GFOD1: variants seen among roughly 807,000 people sequenced by gnomAD.
GFOD1 encodes glucose-fructose oxidoreductase domain-containing protein 1.
In GFOD1, 9 loss-of-function variants were observed where a neutral mutation model predicts 25.4. The ratio of observed to expected loss-of-function variants is 0.35; its 90% confidence interval spans 0.21 to 0.62. GFOD1 has a LOEUF of 0.62. Ranked by LOEUF, GFOD1 falls within the 20% of genes least tolerant of loss-of-function variation. GFOD1 has a pLI of 0.72. For synonymous variants in GFOD1, 253 were observed against 245.6 expected, an observed-to-expected ratio of 1.03 and a Z score of -0.28; for missense variants, 403 against 556.9, an observed-to-expected ratio of 0.72 and a Z score of 2.78.
intron 1 of GFOD1, among the ~76,000 whole-genome samples, chr6:13,453,232 G>C (rs1371457364): frequency 6.6e-6 from 1 of 152,166 alleles, no homozygotes; most frequent in Non-Finnish European, 1.5e-5. Flanking sequence ...CTTCCAGGTC[G>C]ATCCAGGTGC....
At chr6:13,451,764 G>T (rs916027251) in intron 1 of GFOD1, among the ~76,000 whole-genome samples, 1 of 152,220 alleles carries the variant, frequency 6.6e-6, no homozygotes, top group Admixed American at 6.5e-5. Context: ...TGGACACCAG[G>T]TTAAGGTCGG....
At chr6:13,470,384 G>A in intron 1 of GFOD1, 3 of 1,549,710 alleles carry the variant, frequency 1.9e-6, no homozygotes, top group East Asian at 2.4e-5. Flanking sequence ...TGGGCCTCCA[G>A]GGAAAGCCAG....
intron 1 of GFOD1, among the ~76,000 whole-genome samples, chr6:13,461,904 G>A (rs1369342951): frequency 6.6e-6 from 1 of 152,208 alleles, no homozygotes; most frequent in Admixed American, 6.5e-5. Flanking sequence ...ACCAAGCATG[G>A]TGCAATGAGT....
Position 13,430,519 on chromosome 6 carries a change from G to A in GFOD1, c.253+56119C>T, listed in dbSNP as rs1032713927. On this transcript the variant is annotated intron_variant, in intron 1 of 1. Coordinates refer to ENST00000379287, the MANE Select transcript of GFOD1 (RefSeq NM_018988.4). The surrounding 1 kb of genome is among the most constrained non-coding windows in gnomAD (Gnocchi z 4.1). ...TGTGAAGGAACCCGAGCCACATAGG[G>A]TATGGCATCAAGCATAAACAGAGTG... 3.3e-5 allele frequency among the ~76,000 whole-genome samples: 5 copies of A among 152,064 alleles called. No homozygotes were observed. Among genetic ancestry groups the A allele is most frequent in the Non-Finnish European group, 7.4e-5 (5 of 68,022 alleles).
At chr6:13,404,492 G>C (rs1162203538) in intron 1 of GFOD1, among the ~76,000 whole-genome samples, 1 of 152,190 alleles carries the variant, frequency 6.6e-6, no homozygotes, top group Non-Finnish European at 1.5e-5. Flanking sequence ...CAGTTCTGCT[G>C]CTTTTTTGCT....
At position 13,486,921 on chromosome 6, in the gene GFOD1, G is replaced by C. The variant is rs1758885752; in HGVS notation, c.-31C>G. The C allele has an allele frequency of 1.3e-6, 2 of 1,597,024 alleles. No homozygotes were observed. The highest frequency in any genetic ancestry group is 1.7e-6 in the Non-Finnish European group (2 of 1,176,592). ...CTCAGAGCCGCCTGGTTCTGCTTCTGCTCGGATCTCCAGTCCAACGCGCGC... is the reference window on the plus strand; with the variant it reads ...CTCAGAGCCGCCTGGTTCTGCTTCTCCTCGGATCTCCAGTCCAACGCGCGC... On this transcript the variant is annotated 5_prime_UTR_variant, in exon 1 of 2. Coordinates refer to ENST00000379287, the MANE Select transcript of GFOD1 (RefSeq NM_018988.4).
At chr6:13,431,859 A>T (rs1491000066) in intron 1 of GFOD1, among the ~76,000 whole-genome samples, 2 of 152,250 alleles carry the variant, frequency 1.3e-5, no homozygotes, top group African/African-American at 4.8e-5. Context: ...CCTGCCTTCA[A>T]AATCCAAAGC....
Position 13,423,682 on chromosome 6 carries a change from G to C in GFOD1, c.254-58020C>G, listed in dbSNP as rs754084065. On this transcript the variant is annotated intron_variant, in intron 1 of 1. Transcript: ENST00000379287. ...ATTCAGTGAGTCGGTAGCAGAACCG[G>C]GGGTGGGCCCACTTTGATATGGAAG... Among the ~76,000 whole-genome samples, 95 of 152,120 alleles carry C rather than the reference G, an allele frequency of 6.2e-4. 1 individual carries two copies. The highest frequency in any genetic ancestry group is 1.8e-4 in the Non-Finnish European group (12 of 68,024).
At position 13,394,498 on chromosome 6, in the gene GFOD1, G is replaced by A. The variant is rs571376964; in HGVS notation, c.254-28836C>T. ...TTTTTTTTTTTTTTTTTTTTGAGAC[G>A]AGGTCTTGCTCTTTTGCCCAGGCTG... On this transcript the variant is annotated intron_variant, in intron 1 of 1. Transcript: ENST00000379287. 1.1e-4 allele frequency among the ~76,000 whole-genome samples: 8 copies of A among 73,448 alleles called. No individual in the cohort carries two copies. The East Asian group carries it at 1.7e-3, about 16-fold the overall frequency. 48.2% of individuals were successfully genotyped at this position (73,448 alleles called of 152,430 possible).
At chr6:13,414,453 G>A (rs1786130859) in intron 1 of GFOD1, among the ~76,000 whole-genome samples, 1 of 152,234 alleles carries the variant, frequency 6.6e-6, no homozygotes. Context: ...TTTGTCTTAG[G>A]TTGGTAGCCC....
intron 1 of GFOD1, among the ~76,000 whole-genome samples, chr6:13,384,237 T>A (rs1032500353): frequency 6.6e-6 from 1 of 152,176 alleles, no homozygotes; most frequent in Non-Finnish European, 1.5e-5. Context: ...AAAACTAAGC[T>A]AAACTAAACT....
rs550718330 is a variant in GFOD1, at chr6:13,473,180, A to G, written c.253+13458T>C. On this transcript the variant is annotated intron_variant, in intron 1 of 1. Coordinates refer to ENST00000379287, the MANE Select transcript of GFOD1 (RefSeq NM_018988.4). ...ATTATTGCATCCTTGCTCATCTAGT[A>G]AATTATTGCTGCAGCCAGCCCTGAC... Among the ~76,000 whole-genome samples the G allele has an allele frequency of 9.8e-5, 15 of 152,288 alleles. No homozygotes were observed. In the East Asian group the frequency reaches 2.5e-3, roughly 25 times the overall value.
intron 1 of GFOD1, among the ~76,000 whole-genome samples, chr6:13,381,881 T>C (rs1785367818): frequency 6.8e-6 from 1 of 147,692 alleles, no homozygotes; most frequent in African/African-American, 2.5e-5. Context: ...AAGTGCCCCC[T>C]GGAGTAAGAG....
chr6:13,418,613 G>A (rs942531583), intron 1 of GFOD1, among the ~76,000 whole-genome samples: 7 of 152,178 alleles, frequency 4.6e-5, no homozygotes, highest in South Asian at 4.1e-4. Flanking sequence ...GGAATCACCC[G>A]AAGCCCAGAG....
At chr6:13,421,976 A>G (rs986742417) in intron 1 of GFOD1, among the ~76,000 whole-genome samples, 1 of 152,240 alleles carries the variant, frequency 6.6e-6, no homozygotes, top group African/African-American at 2.4e-5. Flanking sequence ...CATGAGCTAC[A>G]TAATTCCTTT....
At chr6:13,423,920 G>A (rs1011881589) in intron 1 of GFOD1, among the ~76,000 whole-genome samples, 3 of 152,092 alleles carry the variant, frequency 2.0e-5, no homozygotes, top group African/African-American at 2.4e-5. Flanking sequence ...GTGTGATGGC[G>A]TGATTGTGGC....
intron 1 of GFOD1, among the ~76,000 whole-genome samples, chr6:13,480,986 T>C (rs1029122852): frequency 6.6e-6 from 1 of 152,226 alleles, no homozygotes; most frequent in African/African-American, 2.4e-5. Flanking sequence ...ATTCATAGTG[T>C]GTCTACTAGG....
intron 1 of GFOD1, among the ~76,000 whole-genome samples, chr6:13,400,669 C>T (rs1388635900): frequency 6.6e-6 from 1 of 152,188 alleles, no homozygotes. Flanking sequence ...TCTTTTTCCA[C>T]TTTTAAGCTC....
intron 1 of GFOD1, among the ~76,000 whole-genome samples, chr6:13,372,016 T>A (rs569878327): frequency 6.6e-6 from 1 of 152,286 alleles, no homozygotes; most frequent in East Asian, 1.9e-4. Flanking sequence ...GCCCTTTGTG[T>A]GAGAACAAAG....
Sources: gnomAD v4.1 joint callset for allele counts (sites outside exome capture counted in the v4.1 genomes callset) on GRCh38, gnomAD v4.1.1 for gene constraint, Gnocchi (gnomAD v3.1) non-coding constraint, MANE v1.5 for transcripts, NCBI Gene and HGNC (gene_info 2026-07-23, HGNC 2026-07-21) for gene names.